Variants in MSH3 observed in about 807,000 individuals in gnomAD.
MSH3 encodes the protein mutS homolog 3.
MSH3 carries 106 observed loss-of-function variants against 123.3 expected under a neutral mutation model. The observed-to-expected ratio is 0.86, with a 90% CI of 0.73 to 1.01. The LOEUF (loss-of-function observed/expected upper bound fraction) is 1.01, where lower values mean the gene tolerates loss of function less well. Among genes scored for constraint, MSH3 ranks in the 50% least tolerant of loss-of-function variants. The pLI, the probability that MSH3 is intolerant of heterozygous loss-of-function variation, is 0.00. For synonymous variants in MSH3, 515 were observed against 481.4 expected, an observed-to-expected ratio of 1.07 and a Z score of -0.91; for missense variants, 1,459 against 1,347.6, an observed-to-expected ratio of 1.08 and a Z score of -1.29.
intron 20 of MSH3, among the ~76,000 whole-genome samples, chr5:80,829,367 AGGTTTT>A (rs1179190379): frequency 1.3e-5 from 2 of 152,216 alleles, no homozygotes; most frequent in African/African-American, 4.8e-5. Flanking sequence ...TGTTAGCTAT[AGGTTTT>A]TTTGTGAATA....
At position 80,672,247 on chromosome 5, in the gene MSH3, G is replaced by T. The variant is rs1580551783; in HGVS notation, c.796G>T (p.Ala266Ser). ...YRFFGEDAEI[A>S]ARELNIYCHL... ...ATTTTCTTTTTTCATTTTTTAGATT[G>T]CAGCCCGAGAGCTCAATATTTATTG... is the stretch of plus-strand genomic sequence containing the variant. Residue 266 changes from alanine to serine, a missense_variant, in exon 5 of 24, where the codon GCA becomes TCA. Coordinates refer to ENST00000265081, the MANE Select transcript of MSH3 (RefSeq NM_002439.5). The T allele has an allele frequency of 4.4e-6, 7 of 1,606,730 alleles. No homozygotes were observed. The highest frequency in any genetic ancestry group is 6.0e-6 in the Non-Finnish European group (7 of 1,173,898).
chr5:80,713,275 T>A (rs1485988707), intron 8 of MSH3, among the ~76,000 whole-genome samples: 1 of 152,224 alleles, frequency 6.6e-6, no homozygotes, highest in Non-Finnish European at 1.5e-5. Flanking sequence ...TGAAGTTCCC[T>A]TGTTTTAATG....
intron 21 of MSH3, among the ~76,000 whole-genome samples, chr5:80,856,568 G>C (rs1332556949): frequency 1.8e-5 from 2 of 109,048 alleles, no homozygotes; most frequent in Admixed American, 2.3e-4. Flanking sequence ...GGGGGAGGGG[G>C]GAGGGATAGC....
intron 21 of MSH3, among the ~76,000 whole-genome samples, chr5:80,859,616 TTTG>T (rs1163711327): frequency 6.6e-6 from 1 of 152,136 alleles, no homozygotes; most frequent in Non-Finnish European, 1.5e-5. Flanking sequence ...CTTTTTTCTA[TTTG>T]TTGTTCTTGT....
rs1405034221 is a variant in MSH3, at chr5:80,691,983, AT to A, written c.1340+12891del. On this transcript the variant is annotated intron_variant, in intron 8 of 23. Coordinates refer to ENST00000265081, the MANE Select transcript of MSH3 (RefSeq NM_002439.5). ...CATGTATATGTTTATATAGATAAAC[AT>A]GTATATGTTTAGATAGATAAACATG... Among the ~76,000 whole-genome samples the A allele has an allele frequency of 7.3e-4, 45 of 61,584 alleles. 7 individuals carry two copies. The highest frequency in any genetic ancestry group is 2.5e-3 in the African/African-American group (40 of 16,184). The allele number at this position is 61,584 out of a possible 152,430, so 40.4% of individuals were successfully genotyped here. A position where few individuals can be genotyped will look rare whatever the true frequency, so the allele number is the denominator to read the frequency against.
chr5:80,843,382 C>T (rs1313118334), intron 20 of MSH3, among the ~76,000 whole-genome samples: 1 of 152,194 alleles, frequency 6.6e-6, no homozygotes, highest in African/African-American at 2.4e-5. Flanking sequence ...TGTTGTGTCT[C>T]TGCCAGGTTT....
intron 20 of MSH3, among the ~76,000 whole-genome samples, chr5:80,840,688 T>G (rs1269179112): frequency 6.6e-6 from 1 of 152,088 alleles, no homozygotes. Context: ...GTTGGTTTGC[T>G]GCACCCATCA....
intron 12 of MSH3, among the ~76,000 whole-genome samples, chr5:80,749,195 G>T (rs1743782922): frequency 6.6e-6 from 1 of 152,156 alleles, no homozygotes; most frequent in African/African-American, 2.4e-5. Flanking sequence ...GCACGCTGAG[G>T]GGCAAGGAAG....
At chr5:80,785,966 G>GAAC (rs1430410509) in intron 17 of MSH3, among the ~76,000 whole-genome samples, 1 of 123,714 alleles carries the variant, frequency 8.1e-6, no homozygotes, top group Non-Finnish European at 1.6e-5. Context: ...ACAGGAAGGG[G>GAAC]AACATCACAC....
intron 22 of MSH3, among the ~76,000 whole-genome samples, chr5:80,872,543 C>T (rs906522301): frequency 4.0e-5 from 6 of 151,292 alleles, no homozygotes; most frequent in South Asian, 4.2e-4. Context: ...CAGTGGCTCA[C>T]GCCTGTAATC....
chr5:80,711,819 T>TA (rs1750864683), intron 8 of MSH3, among the ~76,000 whole-genome samples: 1 of 151,892 alleles, frequency 6.6e-6, no homozygotes, highest in African/African-American at 2.4e-5. Flanking sequence ...CATACCCAGC[T>TA]ATTTTTGTAT....
intron 19 of MSH3, among the ~76,000 whole-genome samples, chr5:80,808,882 TAC>T (rs57309989): frequency 0.014 from 1,878 of 134,632 alleles, 68 homozygotes; most frequent in African/African-American, 0.038. Context: ...TATATATATA[TAC>T]ACAATCTAAA....
Position 80,835,300 on chromosome 5 carries a change from C to T in MSH3, c.2814-18830C>T, listed in dbSNP as rs184812156. Among the ~76,000 whole-genome samples, 219 of 152,262 alleles carry T rather than the reference C, an allele frequency of 1.4e-3. 1 individual carries two copies. Among genetic ancestry groups the T allele is most frequent in the African/African-American group, 5.2e-3 (214 of 41,548 alleles). ...AACAAAGACCTTTGATAAAAGATGA[C>T]TGAGAGACTGTCTGGGGTTTGATGC... On this transcript the variant is annotated intron_variant, in intron 20 of 23. Coordinates refer to ENST00000265081, the MANE Select transcript of MSH3 (RefSeq NM_002439.5).
At chr5:80,810,168 C>CATATATATATATATATATATATAT (rs1461060092) in intron 19 of MSH3, among the ~76,000 whole-genome samples, 1 of 32,036 alleles carries the variant, frequency 3.1e-5, no homozygotes, top group Admixed American at 3.3e-4. Flanking sequence ...TTTTGTTTGA[C>CATATATATATATATATATATATAT]ATACATATAT....
At chr5:80,821,698 T>C (rs757713311) in intron 20 of MSH3, among the ~76,000 whole-genome samples, 28 of 152,360 alleles carry the variant, frequency 1.8e-4, no homozygotes, top group Non-Finnish European at 3.5e-4. Context: ...CCTGTGTCCC[T>C]GCATATTCTT....
chr5:80,739,360 T>C lies in MSH3; in HGVS notation c.1569-2104T>C, dbSNP rs144084776. 3.8e-3 allele frequency among the ~76,000 whole-genome samples: 582 copies of C among 152,356 alleles called. 4 individuals are homozygous for C. Among genetic ancestry groups the C allele is most frequent in the African/African-American group, 0.013 (543 of 41,586 alleles). ...CCTAATTGTTTCTTCCTGTAAATAA[T>C]GTTTTACATTTTATAACTGTCTGGC... On this transcript the variant is annotated intron_variant, in intron 10 of 23. Coordinates refer to ENST00000265081, the MANE Select transcript of MSH3 (RefSeq NM_002439.5).
At chr5:80,692,062 TTAGA>T (rs775823185) in intron 8 of MSH3, among the ~76,000 whole-genome samples, 29 of 107,718 alleles carry the variant, frequency 2.7e-4, no homozygotes, top group Middle Eastern at 8.9e-3. Flanking sequence ...ATGTATATGT[TTAGA>T]TAGATAGATA....
chr5:80,768,866 C>G lies in MSH3; in HGVS notation c.2116C>G (p.Leu706Val). The G allele has an allele frequency of 6.2e-7, 1 of 1,610,470 alleles. No individual in the cohort carries two copies. Among genetic ancestry groups the G allele is most frequent in the Non-Finnish European group, 8.5e-7 (1 of 1,177,226 alleles). Residue 706 changes from leucine (L) to valine (V), a missense_variant, in exon 15 of 24, where the codon CTT becomes GTT. Coordinates refer to ENST00000265081, the MANE Select transcript of MSH3 (RefSeq NM_002439.5). ...GGATAAAACTGAATTATTTAAAGAC[C>G]TTTCTGACTTCCCTTTAATAAAAAA... ...VGDKTELFKDLSDFPLIKKRK... is the reference protein window; with the variant it reads ...VGDKTELFKDVSDFPLIKKRK...
At position 80,813,134 on chromosome 5, in the gene MSH3, A is replaced by G. The variant is rs150773727; in HGVS notation, c.2656-450A>G. The stretch of plus-strand genomic sequence containing the variant: ...AAACCAATGTCTAGAATTTGATGTT[A>G]TATCTTTTAGTAGTCATCTACCTAT... On this transcript the variant is annotated intron_variant, in intron 19 of 23. Coordinates refer to ENST00000265081, the MANE Select transcript of MSH3 (RefSeq NM_002439.5). 5.3e-3 allele frequency among the ~76,000 whole-genome samples: 812 copies of G among 152,352 alleles called. 9 individuals carry two copies. The highest frequency in any genetic ancestry group is 0.018 in the African/African-American group (756 of 41,586).
Sources: allele counts gnomAD v4.1 joint callset (sites outside exome capture counted in the v4.1 genomes callset), GRCh38; gene constraint gnomAD v4.1.1; transcripts MANE v1.5; gene names NCBI Gene and HGNC (gene_info 2026-07-23, HGNC 2026-07-21).